The following ZDBF2 variants were observed in gnomAD, a reference collection of about 807,000 sequenced individuals.
ZDBF2 encodes the protein zinc finger DBF-type containing 2.
In ZDBF2, 6 loss-of-function variants were observed where a neutral mutation model predicts 9.4. The ratio of observed to expected loss-of-function variants is 0.64; its 90% CI spans 0.35 to 1.27. ZDBF2 has a LOEUF of 1.27. Ranked by LOEUF, ZDBF2 falls within the 50% of genes most tolerant of loss-of-function variation. ZDBF2 has a pLI of 0.03. For synonymous variants in ZDBF2, 905 were observed against 946.3 expected (o/e 0.96, Z 0.80); for missense variants, 2,697 against 2,766.8 (o/e 0.97, Z 0.57).
At chr2:206,296,170 G>A (rs1485085534) in intron 3 of ZDBF2, among the ~76,000 whole-genome samples, 1 of 152,112 alleles carries the variant, frequency 6.6e-6, no homozygotes, top group Non-Finnish European at 1.5e-5. Context: ...CTTATCTGTG[G>A]TTGGTTTCAG....
At chr2:206,279,222 A>G (rs186405953) in intron 1 of ZDBF2, among the ~76,000 whole-genome samples, 2 of 152,258 alleles carry the variant, frequency 1.3e-5, no homozygotes, top group East Asian at 1.9e-4. Context: ...GTTTGACAGC[A>G]TTTTTGCTCT....
rs1167436133 is a variant in ZDBF2 at position 206,310,975 on chromosome 2, A to T, written c.6447A>T (p.Thr2149=). ...ELPKKRNFQL[T]FLNHDVVKIS... is the part of the protein sequence containing the mutation. Reference sequence around the variant, plus strand: ...CAAAGAAAAGAAATTTCCAGCTAACATTTTTAAATCATGATGTTGTCAAAA... The same window carrying T: ...CAAAGAAAAGAAATTTCCAGCTAACTTTTTTAAATCATGATGTTGTCAAAA... Residue 2149 remains threonine, a synonymous_variant, in exon 5 of 5, where the codon ACA becomes ACT. Transcript: ENST00000374423. The T allele has an allele frequency of 6.2e-7, 1 of 1,613,730 alleles. No homozygotes were observed. The highest frequency in any genetic ancestry group is 1.1e-5 in the South Asian group (1 of 90,966).
intron 4 of ZDBF2, 123 bp downstream of exon 4, chr2:206,297,496 G>A (rs1462285706): frequency 3.0e-6 from 3 of 987,070 alleles, no homozygotes; most frequent in African/African-American, 3.4e-5. Flanking sequence ...TAAAATTTTA[G>A]TAACTTTCAT....
chr2:206,304,752 C>A lies in ZDBF2; in HGVS notation c.224C>A (p.Ser75Ter). 1 of 1,612,856 alleles carries A rather than the reference C, an allele frequency of 6.2e-7. No individual in the cohort carries two copies. The highest frequency in any genetic ancestry group is 1.1e-5 in the South Asian group (1 of 90,892). Residue 75 changes from serine to a stop codon, truncating the protein, a stop_gained, in exon 5 of 5, where the codon TCA becomes TAA. Coordinates refer to ENST00000374423, the MANE Select transcript of ZDBF2 (RefSeq NM_020923.3). LOFTEE classifies it low-confidence loss of function (END_TRUNC). ...GATGAGACACATGTGAATACTGGGT[C>A]ATCGTCTGAAGTGGTGCATTTGGAT... ...TQDETHVNTG[S>*]SSEVVHLDDA...
intron 4 of ZDBF2, among the ~76,000 whole-genome samples, chr2:206,303,504 G>C (rs1692610282): frequency 6.6e-6 from 1 of 152,150 alleles, no homozygotes. Flanking sequence ...TGAAAGAACA[G>C]TCCCTGAAAT....
At position 206,308,817 on chromosome 2, in the gene ZDBF2, A is replaced by G; in HGVS notation, c.4289A>G (p.Lys1430Arg). 6.2e-7 allele frequency: 1 copy of G among 1,613,882 alleles called. No individual in the cohort carries two copies. The highest frequency in any genetic ancestry group is 8.5e-7 in the Non-Finnish European group (1 of 1,179,836). ...ACTGATCAATCTTCTGTACCTGTCA[A>G]AGAAATAAACTTGCAAAAGAAGGAT... Reference protein sequence around the residue: ...FVTDQSSVPVKEINLQKKDHN... With the variant: ...FVTDQSSVPVREINLQKKDHN... Residue 1430 changes from lysine (K) to arginine (R), a missense_variant, in exon 5 of 5, where the codon AAA becomes AGA. Coordinates refer to ENST00000374423, the MANE Select transcript of ZDBF2 (RefSeq NM_020923.3).
chr2:206,276,895 A>G (rs1450440226), intron 1 of ZDBF2, among the ~76,000 whole-genome samples: 2 of 152,230 alleles, frequency 1.3e-5, no homozygotes, highest in Non-Finnish European at 2.9e-5. Context: ...AAGCCAGCAT[A>G]GCGTGGATAA....
At chr2:206,289,098 C>T (rs530664902) in intron 3 of ZDBF2, among the ~76,000 whole-genome samples, 14 of 152,200 alleles carry the variant, frequency 9.2e-5, no homozygotes, top group Admixed American at 1.3e-4. Context: ...GGTGTCTAAG[C>T]GTAGCCACTG....
chr2:206,304,652 C>T (rs1031668392), intron 4 of ZDBF2, 65 bp from the exon 5 acceptor site: 9 of 1,509,456 alleles, frequency 6.0e-6, no homozygotes, highest in African/African-American at 1.4e-5. Flanking sequence ...ATTTATTATG[C>T]CTCTATTTTA....
In ZDBF2 at chr2:206,310,892, A is replaced by G; in HGVS notation, c.6364A>G (p.Thr2122Ala). ...ARYGFNSHQG[T>A]SDSSLFLEES... ...ATATGGATTTAATTCACATCAGGGA[A>G]CCAGTGACTCTTCTCTGTTTCTGGA... Residue 2122 changes from threonine to alanine, a missense_variant, in exon 5 of 5, where the codon ACC becomes GCC. Coordinates refer to ENST00000374423, the MANE Select transcript of ZDBF2 (RefSeq NM_020923.3). 1 of 1,613,942 alleles carries G rather than the reference A, an allele frequency of 6.2e-7. No homozygotes were observed. Among genetic ancestry groups the G allele is most frequent in the Non-Finnish European group, 8.5e-7 (1 of 1,179,888 alleles).
intron 4 of ZDBF2, among the ~76,000 whole-genome samples, chr2:206,299,632 T>TA (rs951655993): frequency 2.0e-5 from 3 of 151,830 alleles, no homozygotes; most frequent in East Asian, 3.9e-4. Context: ...GACTCCTTCT[T>TA]AAAAAAAGAT....
rs755666108 is a variant in ZDBF2 at position 206,309,357 on chromosome 2, A to T, written c.4829A>T (p.Tyr1610Phe). The change falls in exon 5 of 5, where the codon TAT becomes TTT. Residue 1610 changes from tyrosine (Y) to phenylalanine (F), a missense_variant. Coordinates refer to ENST00000374423, the MANE Select transcript of ZDBF2 (RefSeq NM_020923.3). ...TFKIINRKKD[Y>F]IILGEPSCQS... ...AAAATAATAAACCGGAAGAAGGACT[A>T]TATTATTCTGGGAGAGCCAAGTTGT... 8.7e-6 allele frequency: 14 copies of T among 1,613,262 alleles called. No homozygotes were observed. The Admixed American group carries it at 2.3e-4, about 27-fold the overall frequency.
At chr2:206,289,153 G>A (rs149203257) in intron 3 of ZDBF2, among the ~76,000 whole-genome samples, 2 of 152,248 alleles carry the variant, frequency 1.3e-5, no homozygotes, top group Non-Finnish European at 2.9e-5. Flanking sequence ...GGGGTGCACA[G>A]CTGCTCAGCT....
rs768965392 is a variant in ZDBF2, at chr2:206,310,020, CATG to C, written c.5493_5495del (p.Trp1832del). ...GTACCTCCTTCATTTGTGGGGAAAA[CATG>C]GTCTCAGATAATGAGAGAAGATGAC... On this transcript the variant is annotated inframe_deletion, in exon 5 of 5. Transcript: ENST00000374423. 83 of 1,612,960 alleles carry C rather than the reference CATG, an allele frequency of 5.1e-5. No individual in the cohort carries two copies. The highest frequency in any genetic ancestry group is 6.7e-5 in the Non-Finnish European group (79 of 1,179,682).
Position 206,306,797 on chromosome 2 carries a change from C to A in ZDBF2, c.2269C>A (p.Pro757Thr). 1.2e-6 allele frequency: 2 copies of A among 1,613,844 alleles called. No individual in the cohort carries two copies. The highest frequency in any genetic ancestry group is 2.7e-5 in the African/African-American group (2 of 75,024). ...SSELTFDSDP[P>T]LLSVTEQSHL... is the part of the protein sequence containing the mutation. ...TGAGTTGACTTTTGATTCTGACCCG[C>A]CTCTTCTGTCAGTTACTGAGCAGTC... Residue 757 changes from proline (P) to threonine (T), a missense_variant, in exon 5 of 5, where the codon CCT becomes ACT. Coordinates refer to ENST00000374423, the MANE Select transcript of ZDBF2 (RefSeq NM_020923.3).
rs992690805 is a variant in ZDBF2 at position 206,304,665 on chromosome 2, A to G, written c.189-52A>G. On this transcript the variant is annotated intron_variant, in intron 4 of 4. Coordinates refer to ENST00000374423, the MANE Select transcript of ZDBF2 (RefSeq NM_020923.3). ...ACATTTATTATGCCTCTATTTTAAT[A>G]TTTTAAACAGACATTAGAATATGTT... 3.3e-6 allele frequency: 5 copies of G among 1,532,600 alleles called. No individual in the cohort carries two copies. The African/African-American group carries it at 5.6e-5, about 17-fold the overall frequency. The allele number at this position is 1,532,600 out of a possible 1,614,324, so 94.9% of individuals were successfully genotyped here. A position where few individuals can be genotyped will look rare whatever the true frequency, so the allele number is the denominator to read the frequency against.
intron 4 of ZDBF2, among the ~76,000 whole-genome samples, chr2:206,302,478 T>C (rs1460025968): frequency 6.6e-6 from 1 of 152,200 alleles, no homozygotes; most frequent in Non-Finnish European, 1.5e-5. Flanking sequence ...TTCATGACCT[T>C]CTTGGGATTT....
rs73052138 is a variant in ZDBF2, at chr2:206,292,264, C to T, written c.61-4982C>T. 2.3e-3 allele frequency: 913 copies of T among 391,850 alleles called. 4 individuals carry two copies. Among genetic ancestry groups the T allele is most frequent in the African/African-American group, 0.016 (757 of 48,528 alleles). The allele number at this position is 391,850 out of a possible 1,614,324, so 24.3% of individuals were successfully genotyped here. A position where few individuals can be genotyped will look rare whatever the true frequency, so the allele number is the denominator to read the frequency against. ...AATAAAAGTAACAAGTAATTTTAGGCGTTGACAGTTCAGGGTTGCTCATTG... is the reference window on the plus strand; with the variant it reads ...AATAAAAGTAACAAGTAATTTTAGGTGTTGACAGTTCAGGGTTGCTCATTG... On this transcript the variant is annotated intron_variant, in intron 3 of 4. Coordinates refer to ENST00000374423, the MANE Select transcript of ZDBF2 (RefSeq NM_020923.3).
chr2:206,300,733 G>A (rs560084673), intron 4 of ZDBF2, among the ~76,000 whole-genome samples: 3 of 152,230 alleles, frequency 2.0e-5, no homozygotes, highest in African/African-American at 7.2e-5. Flanking sequence ...CTGATTTTAT[G>A]CAACCATTAA....
Sources: gnomAD v4.1 joint callset for allele counts (sites outside exome capture counted in the v4.1 genomes callset) on GRCh38, gnomAD v4.1.1 for gene constraint, MANE v1.5 for transcripts, NCBI Gene and HGNC (gene_info 2026-07-23, HGNC 2026-07-21) for gene names.